RELN: variants seen among roughly 807,000 people sequenced by gnomAD.
RELN encodes the protein reelin.
A neutral mutation model predicts 427.6 loss-of-function variants in RELN; 108 were observed. That is an observed-to-expected ratio of 0.25 (90% CI 0.22 to 0.30). RELN has a LOEUF of 0.30. RELN is among the 10% of genes least tolerant of loss of function. RELN has a pLI of 1.00. For missense variants in RELN, 3,715 were observed against 4,302.8 expected, an observed-to-expected ratio of 0.86 and a Z score of 3.82; for synonymous variants, 1,524 against 1,513.4, an observed-to-expected ratio of 1.01 and a Z score of -0.16.
intron 4 of RELN, among the ~76,000 whole-genome samples, chr7:103,764,822 T>G: frequency 8.3e-6 from 1 of 120,546 alleles, no homozygotes; most frequent in Non-Finnish European, 1.6e-5. Context: ...GTGACAAGAG[T>G]GAGACTCCTC....
chr7:103,772,661 A>G (rs1791598633), intron 4 of RELN, among the ~76,000 whole-genome samples: 1 of 152,198 alleles, frequency 6.6e-6, no homozygotes, highest in South Asian at 2.1e-4. Flanking sequence ...GTTAGACAGA[A>G]CAAAAGGATG....
At chr7:103,675,181 C>A (rs1833489051) in intron 11 of RELN, among the ~76,000 whole-genome samples, 1 of 152,214 alleles carries the variant, frequency 6.6e-6, no homozygotes, top group African/African-American at 2.4e-5. Context: ...TAGGCAACTT[C>A]AGCAAAGACT....
intron 51 of RELN, 69 bp downstream of exon 51, chr7:103,510,782 T>G (rs1829380970): frequency 3.9e-6 from 5 of 1,277,462 alleles, no homozygotes; most frequent in Non-Finnish European, 5.7e-6. Flanking sequence ...TAGATCATCT[T>G]TTCTCTGATA....
intron 2 of RELN, among the ~76,000 whole-genome samples, chr7:103,900,025 A>C (rs536105379): frequency 6.6e-6 from 1 of 152,298 alleles, no homozygotes; most frequent in South Asian, 2.1e-4. Flanking sequence ...TTTGCAGTTG[A>C]CATGATTGTA....
chr7:103,841,954 C>T (rs929447503), intron 2 of RELN, among the ~76,000 whole-genome samples: 1 of 152,038 alleles, frequency 6.6e-6, no homozygotes, highest in Non-Finnish European at 1.5e-5. Flanking sequence ...AGAACTAAGA[C>T]ATCTGTGGAT....
rs369753908 is a variant in RELN, at chr7:103,946,666, T to C, written c.227-29481A>G. Among the ~76,000 whole-genome samples, 8 of 152,348 alleles carry C rather than the reference T, an allele frequency of 5.3e-5. No individual in the cohort carries two copies. The East Asian group carries it at 1.3e-3, about 26-fold the overall frequency. ...TACACTTTACTATGTCTCTTACAAC[T>C]GAATAACAATAGAGTTGCTATATAC... On this transcript the variant is annotated intron_variant, in intron 1 of 64. Coordinates refer to ENST00000428762, the MANE Select transcript of RELN (RefSeq NM_005045.4).
chr7:103,612,714 G>A (rs1308625253), intron 20 of RELN, among the ~76,000 whole-genome samples: 1 of 152,104 alleles, frequency 6.6e-6, no homozygotes, highest in Non-Finnish European at 1.5e-5. Flanking sequence ...GGCCTTTACT[G>A]AAAACATCAT....
chr7:103,797,279 T>C (rs1164456431), intron 3 of RELN, among the ~76,000 whole-genome samples: 1 of 152,022 alleles, frequency 6.6e-6, no homozygotes, highest in Non-Finnish European at 1.5e-5. Flanking sequence ...ATTTTTGTAT[T>C]ATTTTTAGTA....
chr7:103,736,876 C>A (rs142446165), intron 6 of RELN, among the ~76,000 whole-genome samples: 1 of 152,044 alleles, frequency 6.6e-6, no homozygotes, highest in Non-Finnish European at 1.5e-5. Flanking sequence ...GTAGATGAAG[C>A]TTTTCCCTGG....
chr7:103,531,519 C>T (rs1242317487), intron 46 of RELN, among the ~76,000 whole-genome samples: 1 of 152,178 alleles, frequency 6.6e-6, no homozygotes, highest in African/African-American at 2.4e-5. Context: ...AGCATCCGTT[C>T]AGTTTTGCAA....
chr7:103,974,081 T>G lies in RELN; in HGVS notation c.226+15050A>C, dbSNP rs537180197. Among the ~76,000 whole-genome samples the G allele has an allele frequency of 8.5e-5, 13 of 152,204 alleles. No individual in the cohort carries two copies. In the South Asian group the frequency reaches 2.5e-3, roughly 29 times the overall value. ...TTGCTTGAACCCAAAAGGTGGAGGT[T>G]GAGGTGAGCCGAGACGGTGCCACTG... is the stretch of plus-strand genomic sequence containing the variant. On this transcript the variant is annotated intron_variant, in intron 1 of 64. Transcript: ENST00000428762.
At chr7:103,473,871 C>G (rs1354556770) in intron 64 of RELN, among the ~76,000 whole-genome samples, 2 of 152,154 alleles carry the variant, frequency 1.3e-5, no homozygotes, top group Admixed American at 1.3e-4. Context: ...CAGTATATTT[C>G]AAATTCACTG....
At chr7:103,665,253 C>T (rs539508924) in intron 11 of RELN, among the ~76,000 whole-genome samples, 101 of 152,062 alleles carry the variant, frequency 6.6e-4, no homozygotes, top group Non-Finnish European at 1.2e-3. Flanking sequence ...GAGTCTGTTT[C>T]TACAATTAAC....
At chr7:103,505,329 A>G (rs1335325477) in intron 51 of RELN, among the ~76,000 whole-genome samples, 3 of 152,170 alleles carry the variant, frequency 2.0e-5, no homozygotes, top group Non-Finnish European at 4.4e-5. Context: ...TCCGGCTGGC[A>G]TCTGGTGGGT....
At chr7:103,643,377 G>A (rs375053871) in intron 16 of RELN, among the ~76,000 whole-genome samples, 9 of 151,956 alleles carry the variant, frequency 5.9e-5, no homozygotes, top group East Asian at 1.9e-4. Flanking sequence ...ATAAGAAACC[G>A]AACAATCAGG....
intron 2 of RELN, among the ~76,000 whole-genome samples, chr7:103,914,564 G>A (rs1189851277): frequency 6.6e-6 from 1 of 152,020 alleles, no homozygotes; most frequent in Admixed American, 6.6e-5. Context: ...TTTATCGAGT[G>A]TTTTTTTATG....
intron 1 of RELN, among the ~76,000 whole-genome samples, chr7:103,975,587 G>C (rs1039631752): frequency 6.7e-6 from 1 of 150,050 alleles, no homozygotes. Context: ...TCGCTCTGTC[G>C]CCCAGGCTGG....
chr7:103,864,005 C>T (rs374690097), intron 2 of RELN, among the ~76,000 whole-genome samples: 1 of 152,084 alleles, frequency 6.6e-6, no homozygotes, highest in Admixed American at 6.6e-5. Flanking sequence ...GCTCACACTA[C>T]TGGAGCCATG....
intron 1 of RELN, among the ~76,000 whole-genome samples, chr7:103,984,112 G>T (rs962049281): frequency 2.0e-5 from 3 of 151,148 alleles, no homozygotes; most frequent in African/African-American, 7.3e-5. Context: ...ATGGAGTAAG[G>T]CTTCTAGTTT....
Sources: gnomAD v4.1 joint callset for allele counts (sites outside exome capture counted in the v4.1 genomes callset) on GRCh38, gnomAD v4.1.1 for gene constraint, MANE v1.5 for transcripts, NCBI Gene and HGNC (gene_info 2026-07-23, HGNC 2026-07-21) for gene names.